UNC79: variants seen among roughly 807,000 people sequenced by gnomAD.
UNC79 encodes the protein protein unc-79 homolog.
In UNC79, 37 loss-of-function variants were observed where a neutral mutation model predicts 283.1. The ratio of observed to expected loss-of-function variants is 0.13; its 90% confidence interval spans 0.10 to 0.17. The LOEUF (loss-of-function observed/expected upper bound fraction) is 0.17. Ranked by LOEUF, UNC79 falls within the 10% of genes least tolerant of loss-of-function variation. The pLI is 1.00. For synonymous variants in UNC79, 1,107 were observed against 1,200.2 expected (o/e 0.92, Z 1.61); for missense variants, 2,272 against 3,211.1 (o/e 0.71, Z 7.07).
chr14:93,387,905 G>A (rs1400049599), intron 1 of UNC79, among the ~76,000 whole-genome samples: 2 of 152,140 alleles, frequency 1.3e-5, no homozygotes, highest in South Asian at 4.1e-4. Context: ...ATATATCTGG[G>A]TGCCCCATTA....
intron 38 of UNC79, 90 bp from the exon 42 acceptor site, chr14:93,659,103 T>C: frequency 9.7e-7 from 1 of 1,031,122 alleles, no homozygotes. Flanking sequence ...ATTTTCCTTT[T>C]GCTAAACTAA....
At chr14:93,583,280 T>C (rs2063948295) in intron 20 of UNC79, among the ~76,000 whole-genome samples, 1 of 150,442 alleles carries the variant, frequency 6.6e-6, no homozygotes, top group Non-Finnish European at 1.5e-5. Flanking sequence ...ATCGCACCAT[T>C]GCACTCCAGC....
exon 33 of UNC79, chr14:93,641,233 G>A (rs753498611): frequency 1.2e-6 from 2 of 1,612,752 alleles, no homozygotes; most frequent in Non-Finnish European, 8.5e-7. Context: ...AGCAGCCGAC[G>A]GTGATGACGG....
intron 7 of UNC79, among the ~76,000 whole-genome samples, chr14:93,507,823 G>T (rs2059621216): frequency 6.6e-6 from 1 of 152,048 alleles, no homozygotes; most frequent in Non-Finnish European, 1.5e-5. Flanking sequence ...CTTCCAGAAG[G>T]TCTATATTTC....
intron 34 of UNC79, among the ~76,000 whole-genome samples, chr14:93,645,751 T>G (rs1194003754): frequency 1.3e-5 from 2 of 152,144 alleles, no homozygotes; most frequent in African/African-American, 4.8e-5. Flanking sequence ...CATTAATTAC[T>G]GTTACTGTTT....
At chr14:93,687,591 G>T (rs2074344028) in intron 43 of UNC79, among the ~76,000 whole-genome samples, 1 of 152,186 alleles carries the variant, frequency 6.6e-6, no homozygotes, top group Non-Finnish European at 1.5e-5. Flanking sequence ...CTCTGGCTCT[G>T]CTCAGACGAT....
intron 1 of UNC79, among the ~76,000 whole-genome samples, chr14:93,410,248 C>G (rs1405844952): frequency 1.3e-5 from 2 of 152,180 alleles, no homozygotes; most frequent in Non-Finnish European, 2.9e-5. Context: ...TGACGTCTGC[C>G]CACAGAGGGA....
At chr14:93,371,512 T>TG (rs1441563314) in intron 1 of UNC79, among the ~76,000 whole-genome samples, 2 of 151,244 alleles carry the variant, frequency 1.3e-5, no homozygotes, top group Non-Finnish European at 3.0e-5. Flanking sequence ...AGGAAACCAG[T>TG]GGGGAAAAAA....
chr14:93,524,083 T>C, intron 8 of UNC79, 41 bp downstream of exon 8: 1 of 1,606,170 alleles, frequency 6.2e-7, no homozygotes, highest in Non-Finnish European at 8.5e-7. Context: ...GTATTGTCAG[T>C]GGTCAAATTG....
chr14:93,353,112 A>G (rs536097978), intron 1 of UNC79, among the ~76,000 whole-genome samples: 7 of 152,174 alleles, frequency 4.6e-5, no homozygotes, highest in Non-Finnish European at 8.8e-5. Flanking sequence ...GACATCACTG[A>G]GATTTCTACT....
chr14:93,517,743 C>T (rs2060133784), intron 7 of UNC79, among the ~76,000 whole-genome samples: 2 of 151,960 alleles, frequency 1.3e-5, no homozygotes. Context: ...TCTTCCTGTT[C>T]TCAAATTCTT....
At chr14:93,687,210 C>T (rs2074312039) in intron 43 of UNC79, among the ~76,000 whole-genome samples, 1 of 152,178 alleles carries the variant, frequency 6.6e-6, no homozygotes. Context: ...TGCAAACATA[C>T]ACCATGTATT....
At position 93,688,656 on chromosome 14, in the gene UNC79, G is replaced by A. The variant is rs754782535; in HGVS notation, c.6910-9G>A. 1.9e-5 allele frequency: 31 copies of A among 1,610,354 alleles called. No homozygotes were observed. In the Middle Eastern group the frequency reaches 4.9e-4, roughly 26 times the overall value. Reference sequence around the variant, plus strand: ...TGCCAGAGTTACAAAATACCATTCGGTTTTGTAGAGCCACATGAAGACATG... The same window carrying A: ...TGCCAGAGTTACAAAATACCATTCGATTTTGTAGAGCCACATGAAGACATG... On this transcript the variant is annotated splice_polypyrimidine_tract_variant and intron_variant, in intron 43 of 48. Transcript: ENST00000555664. The surrounding 1 kb of genome is among the most constrained non-coding windows in gnomAD (Gnocchi z 4.0).
intron 25 of UNC79, among the ~76,000 whole-genome samples, chr14:93,601,741 T>C (rs558937853): frequency 1.7e-4 from 26 of 152,344 alleles, no homozygotes; most frequent in African/African-American, 6.0e-4. Context: ...GTGTTCCCTT[T>C]TTACCACATC....
At chr14:93,584,101 C>T (rs766327730) in intron 20 of UNC79, among the ~76,000 whole-genome samples, 14 of 152,164 alleles carry the variant, frequency 9.2e-5, no homozygotes, top group Non-Finnish European at 1.5e-4. Context: ...CCACCACACC[C>T]GGCCATATGT....
intron 47 of UNC79, among the ~76,000 whole-genome samples, chr14:93,697,531 T>A (rs1298156039): frequency 6.6e-6 from 1 of 152,224 alleles, no homozygotes. Context: ...AATTCATTCA[T>A]CTTTTTCAAA....
At chr14:93,436,717 A>G (rs571400053) in intron 1 of UNC79, among the ~76,000 whole-genome samples, 1 of 152,372 alleles carries the variant, frequency 6.6e-6, no homozygotes, top group South Asian at 2.1e-4. Context: ...TGGCTTAGAA[A>G]TGAAATATTT....
intron 20 of UNC79, among the ~76,000 whole-genome samples, chr14:93,583,868 C>T (rs376335661): frequency 4.6e-5 from 7 of 151,068 alleles, no homozygotes; most frequent in East Asian, 3.9e-4. Flanking sequence ...TGCAGGAGCC[C>T]GATCACGGCT....
At chr14:93,446,544 C>A (rs184780577) in intron 1 of UNC79, among the ~76,000 whole-genome samples, 378 of 152,102 alleles carry the variant, frequency 2.5e-3, no homozygotes, top group African/African-American at 5.2e-3. Flanking sequence ...TACAGGCACC[C>A]GCCACCATGC....
Sources: allele counts gnomAD v4.1 joint callset (sites outside exome capture counted in the v4.1 genomes callset), GRCh38; gene constraint gnomAD v4.1.1; non-coding constraint Gnocchi (gnomAD v3.1); transcripts MANE v1.5; gene names NCBI Gene and HGNC (gene_info 2026-07-23, HGNC 2026-07-21).